The following PMPCA variants were observed in gnomAD, a reference collection of about 807,000 sequenced individuals.
The protein encoded by PMPCA is mitochondrial-processing peptidase subunit alpha.
A neutral mutation model predicts 59.3 loss-of-function variants in PMPCA; 47 were observed. The ratio of observed to expected loss-of-function variants is 0.79; its 90% CI spans 0.63 to 1.01. The LOEUF is 1.01. Among genes scored for constraint, PMPCA ranks in the 50% least tolerant of loss-of-function variants. The probability of loss-of-function intolerance (pLI) is 0.00; values close to 1 mark genes in which losing one functional copy is unlikely to be tolerated. For synonymous variants in PMPCA, 338 were observed against 290.3 expected (o/e 1.16, Z -1.67); for missense variants, 726 against 704.5 (o/e 1.03, Z -0.34).
At position 136,418,432 on chromosome 9, in the gene PMPCA, G is replaced by T. The variant is rs1032106834; in HGVS notation, c.991-123G>T. On this transcript the variant is annotated intron_variant, in intron 8 of 12. Transcript: ENST00000371717. ...GCCAGCTCTGCCCTCCGTCCCTGGC[G>T]TCCAGCGGCGCTCCTGACGTGGCTT... The T allele has an allele frequency of 8.5e-6, 6 of 709,272 alleles. No individual in the cohort carries two copies. The African/African-American group carries it at 9.3e-5, about 11-fold the overall frequency. The allele number at this position is 709,272 out of a possible 1,614,324, so 43.9% of individuals were successfully genotyped here. A position where few individuals can be genotyped will look rare whatever the true frequency, so the allele number is the denominator to read the frequency against.
chr9:136,414,728 T>G (rs1186251158), intron 5 of PMPCA, 81 bp downstream of exon 5: 23 of 842,274 alleles, frequency 2.7e-5, no homozygotes, highest in Non-Finnish European at 4.1e-5. Flanking sequence ...CCTGTAGCCA[T>G]GAGGGAGAGC....
intron 5 of PMPCA, among the ~76,000 whole-genome samples, chr9:136,415,468 C>G (rs768402283): frequency 2.6e-5 from 4 of 152,222 alleles, no homozygotes; most frequent in Non-Finnish European, 4.4e-5. Context: ...GATGGCAGGA[C>G]TTTGAGTCCC....
At position 136,416,319 on chromosome 9, in the gene PMPCA, G is replaced by T. The variant is rs760436594; in HGVS notation, c.561G>T (p.Ala187=). The stretch of plus-strand genomic sequence containing the variant: ...AAGAAGTCGAGATGACGCGGATGGC[G>T]GTCCAGTTTGAGCTGGAGGACCTGA... ...TDEEVEMTRM[A]VQFELEDLNL... Residue 187 remains alanine, a synonymous_variant, in exon 6 of 13, where the codon GCG becomes GCT. Coordinates refer to ENST00000371717, the MANE Select transcript of PMPCA (RefSeq NM_015160.3). 1 of 1,613,756 alleles carries T rather than the reference G, an allele frequency of 6.2e-7. No individual in the cohort carries two copies. Among genetic ancestry groups the T allele is most frequent in the South Asian group, 1.1e-5 (1 of 91,058 alleles).
In PMPCA at chr9:136,412,284, C is replaced by T. The variant is rs146932188; in HGVS notation, c.274+85C>T. 97 of 1,028,240 alleles carry T rather than the reference C, an allele frequency of 9.4e-5. 2 individuals are homozygous for T. In the African/African-American group the frequency reaches 1.3e-3, roughly 14 times the overall value. The allele number at this position is 1,028,240 out of a possible 1,614,324, so 63.7% of individuals were successfully genotyped here. On this transcript the variant is annotated intron_variant, in intron 2 of 12. Transcript: ENST00000371717. ...TGACTGTTAGTTGTAATTAGCATGC[C>T]AATTATGAATTGTACCCTGAGTGGA... is the stretch of plus-strand genomic sequence containing the variant.
intron 2 of PMPCA, 46 bp downstream of exon 2, chr9:136,412,245 G>A: frequency 7.5e-7 from 1 of 1,331,576 alleles, no homozygotes; most frequent in Non-Finnish European, 1.1e-6. Context: ...GTTTTAACAT[G>A]CACATGCTTT....
At chr9:136,421,105 C>T (rs775953845) in intron 11 of PMPCA, among the ~76,000 whole-genome samples, 1 of 152,250 alleles carries the variant, frequency 6.6e-6, no homozygotes, top group African/African-American at 2.4e-5. Flanking sequence ...CTCCCAGGGA[C>T]TTTGCTAAAA....
chr9:136,422,959 G>A, intron 12 of PMPCA, 136 bp from the exon 13 acceptor site: 1 of 1,445,284 alleles, frequency 6.9e-7, no homozygotes, highest in East Asian at 2.5e-5. Context: ...GCTGCCTTTG[G>A]GCCCAGGTGC....
chr9:136,422,534 TG>T, intron 12 of PMPCA: 1 of 1,015,774 alleles, frequency 9.8e-7, no homozygotes, highest in East Asian at 9.7e-5. Context: ...GTGTCACCTG[TG>T]GGCATCTCCT....
At position 136,417,187 on chromosome 9, in the gene PMPCA, G is replaced by A. The variant is rs773177204; in HGVS notation, c.870G>A (p.Val290=). 2 of 1,595,862 alleles carry A rather than the reference G, an allele frequency of 1.3e-6. No homozygotes were observed. The highest frequency in any genetic ancestry group is 1.7e-6 in the Non-Finnish European group (2 of 1,166,810). The change falls in exon 7 of 13, where the codon GTG becomes GTA. Residue 290 remains valine (V), a synonymous_variant. Transcript: ENST00000371717. ...SAEAVDIDRS[V]AQYTGGIAKL... ...AGGCCGTGGATATTGACAGATCTGT[G>A]GCCCAGTACACTGGGGGGATTGCCA... is the stretch of plus-strand genomic sequence containing the variant.
At chr9:136,422,303 T>C in intron 12 of PMPCA, 1 of 1,234,352 alleles carries the variant, frequency 8.1e-7, no homozygotes, top group Non-Finnish European at 1.0e-6. Flanking sequence ...AGTAGAGGAC[T>C]GCTACATTGT....
chr9:136,422,116 C>T, intron 12 of PMPCA, 140 bp downstream of exon 12: 3 of 1,545,062 alleles, frequency 1.9e-6, no homozygotes, highest in Non-Finnish European at 2.6e-6. Context: ...CAGTTGTCCT[C>T]AGCAGGGGCG....
intron 4 of PMPCA, among the ~76,000 whole-genome samples, chr9:136,414,123 T>A (rs959652091): frequency 2.0e-5 from 3 of 152,214 alleles, no homozygotes; most frequent in African/African-American, 7.2e-5. Context: ...CACTCACCAG[T>A]GGGTTCGTTC....
Position 136,412,574 on chromosome 9 carries a change from G to C in PMPCA, c.354+5G>C. 3 of 1,508,822 alleles carry C rather than the reference G, an allele frequency of 2.0e-6. No individual in the cohort carries two copies. The highest frequency in any genetic ancestry group is 1.4e-5 in the African/African-American group (1 of 72,802). The allele number at this position is 1,508,822 out of a possible 1,614,324, so 93.5% of individuals were successfully genotyped here. ...TTGGAAAAATTGGCATTTTCGGTCA[G>C]TACCCAGTTTTGTAATTTTTTAGAC... is the stretch of plus-strand genomic sequence containing the variant. On this transcript the variant is annotated splice_donor_5th_base_variant and intron_variant, in intron 3 of 12. Transcript: ENST00000371717.
At chr9:136,419,208 A>G in intron 11 of PMPCA, 102 bp downstream of exon 11, 2 of 1,102,560 alleles carry the variant, frequency 1.8e-6, no homozygotes, top group Non-Finnish European at 2.8e-6. Flanking sequence ...CCTGAGCCTC[A>G]GGGCCAAGGT....
At position 136,414,615 on chromosome 9, in the gene PMPCA, T is replaced by C; in HGVS notation, c.500T>C (p.Leu167Pro). ...SKGLDTVVAL[L>P]ADVVLQPRLT... ...GGCTTGGACACGGTGGTTGCCTTACTGGCTGATGTGGTTCTGCAGCCCCGG... is the reference window on the plus strand; with the variant it reads ...GGCTTGGACACGGTGGTTGCCTTACCGGCTGATGTGGTTCTGCAGCCCCGG... Residue 167 changes from leucine (L) to proline (P), a missense_variant, in exon 5 of 13, where the codon CTG becomes CCG. Transcript: ENST00000371717. 6.2e-7 allele frequency: 1 copy of C among 1,613,404 alleles called. No individual in the cohort carries two copies. Among genetic ancestry groups the C allele is most frequent in the Non-Finnish European group, 8.5e-7 (1 of 1,179,346 alleles).
intron 6 of PMPCA, 141 bp downstream of exon 6, chr9:136,416,532 A>G (rs1447347836): frequency 1.4e-6 from 1 of 707,766 alleles, no homozygotes; most frequent in Non-Finnish European, 2.6e-6. Flanking sequence ...TTTTGAGATG[A>G]GGTTTCTCCA....
intron 7 of PMPCA, among the ~76,000 whole-genome samples, 172 bp from the exon 8 acceptor site, chr9:136,417,845 T>C (rs1835326426): frequency 6.6e-6 from 1 of 152,002 alleles, no homozygotes; most frequent in Non-Finnish European, 1.5e-5. Flanking sequence ...ACTCCTGGAC[T>C]CAAGTGATCT....
At chr9:136,413,514 A>C (rs1835192266) in intron 4 of PMPCA, among the ~76,000 whole-genome samples, 1 of 152,214 alleles carries the variant, frequency 6.6e-6, no homozygotes, top group Non-Finnish European at 1.5e-5. Context: ...TTTAAGTTTG[A>C]ATGCTAAAAA....
chr9:136,421,426 T>TC (rs1459114585), intron 11 of PMPCA, among the ~76,000 whole-genome samples: 2 of 121,888 alleles, frequency 1.6e-5, no homozygotes, highest in African/African-American at 6.2e-5. Context: ...TTTTTTTTTT[T>TC]TGAGACAGAG....
Sources: gnomAD v4.1 joint callset for allele counts (sites outside exome capture counted in the v4.1 genomes callset) on GRCh38, gnomAD v4.1.1 for gene constraint, MANE v1.5 for transcripts, NCBI Gene and HGNC (gene_info 2026-07-23, HGNC 2026-07-21) for gene names.